The following TRPM2 variants were observed in gnomAD, a reference collection of about 807,000 sequenced individuals.
TRPM2 encodes the protein transient receptor potential cation channel subfamily M member 2, also known as estrogen-responsive element-associated gene 1 protein.
In TRPM2, 161 loss-of-function variants were observed where a neutral mutation model predicts 174.0. The observed-to-expected ratio is 0.93, with a 90% CI of 0.81 to 1.05. The LOEUF is 1.05. Among genes scored for constraint, TRPM2 ranks in the 50% least tolerant of loss-of-function variants. The pLI, the probability that TRPM2 is intolerant of heterozygous loss-of-function variation, is 0.00. For missense variants in TRPM2, 2,057 were observed against 2,038.0 expected (o/e 1.01, Z -0.18); for synonymous variants, 954 against 861.3 (o/e 1.11, Z -1.88).
rs759143585 is a variant in TRPM2, at chr21:44,440,840, G to A, written c.4321G>A (p.Glu1441Lys). Residue 1441 changes from glutamate to lysine, a missense_variant, in exon 31 of 32, where the codon GAG (glutamate) becomes AAG (lysine). Coordinates refer to ENST00000397928, the MANE Select transcript of TRPM2 (RefSeq NM_003307.4). ...GAGGAACACGGACAATGCCTGGATC[G>A]AGACGGTGGCCGTCAGCGTCCACTT... ...DPRNTDNAWI[E>K]TVAVSVHFQD... is the part of the protein sequence containing the mutation. 48 of 1,613,864 alleles carry A rather than the reference G, an allele frequency of 3.0e-5. No individual in the cohort carries two copies. Among genetic ancestry groups the A allele is most frequent in the Admixed American group, 6.7e-5 (4 of 60,016 alleles).
Position 44,381,907 on chromosome 21 carries a change from C to CAA in TRPM2, c.1216-796_1216-795dup, listed in dbSNP as rs751389057. Reference sequence around the variant, plus strand: ...GGGTGGCAGAGCAAAAAGTCTGTCTCAAAAAAAAAAAAAAAAGATGAATGA... The same window carrying CAA: ...GGGTGGCAGAGCAAAAAGTCTGTCTCAAAAAAAAAAAAAAAAAAGATGAATGA... On this transcript the variant is annotated intron_variant, in intron 8 of 31. Transcript: ENST00000397928. Among the ~76,000 whole-genome samples the CAA allele has an allele frequency of 4.4e-3, 291 of 66,870 alleles. 3 individuals carry two copies. The highest frequency in any genetic ancestry group is 0.011 in the African/African-American group (279 of 25,400). The allele number at this position is 66,870 out of a possible 152,430, so 43.9% of individuals were successfully genotyped here. A position where few individuals can be genotyped will look rare whatever the true frequency, so the allele number is the denominator to read the frequency against.
rs1466898263 is a variant in TRPM2 at position 44,432,887 on chromosome 21, A to G, written c.3975-2244A>G. Among the ~76,000 whole-genome samples, 2 of 152,114 alleles carry G rather than the reference A, an allele frequency of 1.3e-5. No individual in the cohort carries two copies. Among genetic ancestry groups the G allele is most frequent in the South Asian group, 4.1e-4 (2 of 4,826 alleles). On this transcript the variant is annotated intron_variant, in intron 27 of 31. Coordinates refer to ENST00000397928, the MANE Select transcript of TRPM2 (RefSeq NM_003307.4). The surrounding 1 kb of genome is among the most constrained non-coding windows in gnomAD (Gnocchi z 4.9). ...TTTTGCGCTTTGGGGTTGTGTGCGTAGGTTTATGGACGGGCCTATGCCTTG... is the reference window on the plus strand; with the variant it reads ...TTTTGCGCTTTGGGGTTGTGTGCGTGGGTTTATGGACGGGCCTATGCCTTG...
chr21:44,364,193 C>G lies in TRPM2; in HGVS notation c.334C>G (p.Gln112Glu). ...ATKPHTFQGT[Q>E]WDPKKHVQEM... ...CAAGCCCCACACCTTCCAGGGCACA[C>G]AGTGGGACCCAAAGAAACATGTCCA... The change falls in exon 3 of 32, where the codon CAG becomes GAG. Residue 112 changes from glutamine (Q) to glutamate (E), a missense_variant. By Grantham distance (29) the Gln-to-Glu change is conservative. Coordinates refer to ENST00000397928, the MANE Select transcript of TRPM2 (RefSeq NM_003307.4). The G allele has an allele frequency of 6.2e-7, 1 of 1,614,244 alleles. No individual in the cohort carries two copies. Among genetic ancestry groups the G allele is most frequent in the South Asian group, 1.1e-5 (1 of 91,088 alleles).
At chr21:44,400,864 C>A (rs1489097844) in intron 15 of TRPM2, among the ~76,000 whole-genome samples, 2 of 152,222 alleles carry the variant, frequency 1.3e-5, no homozygotes, top group Admixed American at 1.3e-4. Context: ...TCCCCACCTG[C>A]ACCTCCTCAG....
intron 24 of TRPM2, 37 bp downstream of exon 24, chr21:44,424,976 C>T (rs1433020517): frequency 1.0e-5 from 16 of 1,549,074 alleles, no homozygotes; most frequent in East Asian, 7.0e-5. Context: ...GGTCTCCAGC[C>T]GCCTGTTTCT....
At chr21:44,405,325 G>C (rs2049831083) in intron 17 of TRPM2, 65 bp downstream of exon 17, 48 of 1,596,212 alleles carry the variant, frequency 3.0e-5, no homozygotes, top group Non-Finnish European at 3.8e-5. Flanking sequence ...GATGAGCACA[G>C]GCCGGGCCCA....
At chr21:44,411,578 C>T (rs2050109185) in intron 19 of TRPM2, among the ~76,000 whole-genome samples, 1 of 152,142 alleles carries the variant, frequency 6.6e-6, no homozygotes, top group African/African-American at 2.4e-5. Context: ...TTTATTTCTT[C>T]TTCTTGCCTA....
In TRPM2 at chr21:44,404,144, CACAT is replaced by C. The variant is rs199668277; in HGVS notation, c.2539-994_2539-991del. 8.2e-4 allele frequency among the ~76,000 whole-genome samples: 123 copies of C among 150,722 alleles called. 2 individuals carry two copies. In the East Asian group the frequency reaches 0.02, roughly 25 times the overall value. On this transcript the variant is annotated intron_variant, in intron 16 of 31. Transcript: ENST00000397928. Reference sequence around the variant, plus strand: ...GAATGAACATACACATATGAACACACACATACAGACACATACACATATATACACA... The same window carrying C: ...GAATGAACATACACATATGAACACACACAGACACATACACATATATACACA...
chr21:44,437,571 G>A (rs778064020), intron 29 of TRPM2, among the ~76,000 whole-genome samples: 11 of 152,108 alleles, frequency 7.2e-5, no homozygotes, highest in East Asian at 1.9e-4. Flanking sequence ...AATATAGGAC[G>A]GTGTCATCCA....
At chr21:44,424,477 C>T (rs1365192815) in intron 23 of TRPM2, among the ~76,000 whole-genome samples, 1 of 152,230 alleles carries the variant, frequency 6.6e-6, no homozygotes, top group African/African-American at 2.4e-5. Flanking sequence ...GTGCAGGAAC[C>T]CTGGAAGCCT....
At chr21:44,431,892 G>T (rs140033183) in intron 27 of TRPM2, among the ~76,000 whole-genome samples, 6 of 152,242 alleles carry the variant, frequency 3.9e-5, no homozygotes, top group African/African-American at 1.4e-4. Flanking sequence ...TCCGTGGCCC[G>T]TCTCTACCCT....
chr21:44,394,058 A>T (rs2146251261), intron 11 of TRPM2, among the ~76,000 whole-genome samples: 1 of 151,898 alleles, frequency 6.6e-6, no homozygotes, highest in Admixed American at 6.6e-5. Flanking sequence ...ATTAGTAGAG[A>T]TGGAGTTTCA....
intron 2 of TRPM2, 152 bp from the exon 3 acceptor site, chr21:44,363,962 C>T: frequency 2.6e-6 from 2 of 765,826 alleles, no homozygotes; most frequent in East Asian, 2.7e-5. Context: ...ACCATTAGGC[C>T]TTTGCTGCCT....
In TRPM2 at chr21:44,437,143, CT is replaced by C. The variant is rs780290810; in HGVS notation, c.4144del (p.Ser1382ProfsTer21). 20 of 1,551,368 alleles carry C rather than the reference CT, an allele frequency of 1.3e-5. No individual in the cohort carries two copies. In the South Asian group the frequency reaches 2.4e-4, roughly 18 times the overall value. On this transcript the variant is annotated frameshift_variant, in exon 29 of 32. Coordinates refer to ENST00000397928, the MANE Select transcript of TRPM2 (RefSeq NM_003307.4). LOFTEE classifies it high-confidence loss of function. Reference sequence around the variant, plus strand: ...AAGTGCTGGTGGTGAAGCTCCCTCTCTCCGAGCACTGGGCCCTGCCTGGGGT... The same window carrying C: ...AAGTGCTGGTGGTGAAGCTCCCTCTCCCGAGCACTGGGCCCTGCCTGGGGT... ...LEVLVVKLPLSEHWALPGGSR... is the reference protein window; with the variant it reads ...LEVLVVKLPLXEHWALPGGSR...
intron 2 of TRPM2, among the ~76,000 whole-genome samples, chr21:44,358,839 C>T (rs963699669): frequency 2.6e-5 from 4 of 152,106 alleles, no homozygotes; most frequent in South Asian, 2.1e-4. Context: ...AGAGTGAAGC[C>T]GGGGACCTTC....
chr21:44,440,867 C>A lies in TRPM2; in HGVS notation c.4348C>A (p.Gln1450Lys). ...IETVAVSVHF[Q>K]DQNDVELNRL... Reference sequence around the variant, plus strand: ...GACGGTGGCCGTCAGCGTCCACTTCCAGGACCAGAATGACGTGGAGCTGAA... The same window carrying A: ...GACGGTGGCCGTCAGCGTCCACTTCAAGGACCAGAATGACGTGGAGCTGAA... The change falls in exon 31 of 32, where the codon CAG becomes AAG. Residue 1450 changes from glutamine (Q) to lysine (K), a missense_variant. Coordinates refer to ENST00000397928, the MANE Select transcript of TRPM2 (RefSeq NM_003307.4). 6.2e-7 allele frequency: 1 copy of A among 1,613,974 alleles called. No individual in the cohort carries two copies. The highest frequency in any genetic ancestry group is 8.5e-7 in the Non-Finnish European group (1 of 1,179,976).
upstream of TRPM2, chr21:44,353,534 T>G: frequency 1.2e-6 from 1 of 839,808 alleles, no homozygotes; most frequent in Non-Finnish European, 1.7e-6. Context: ...GGGCTTCACA[T>G]GAGGAAGCAT....
intron 9 of TRPM2, among the ~76,000 whole-genome samples, chr21:44,384,410 A>G (rs529940689): frequency 6.6e-6 from 1 of 152,352 alleles, no homozygotes; most frequent in African/African-American, 2.4e-5. Flanking sequence ...GCCTCATGTC[A>G]TTCCAGAATG....
At chr21:44,353,343 C>T (rs1039608468), upstream of TRPM2, 13 of 186,884 alleles carry the variant, frequency 7.0e-5, no homozygotes, top group Non-Finnish European at 1.3e-4. Flanking sequence ...AGTGCAGCTG[C>T]ACCCGTGGGG....
Sources: allele counts gnomAD v4.1 joint callset (sites outside exome capture counted in the v4.1 genomes callset), GRCh38; gene constraint gnomAD v4.1.1; non-coding constraint Gnocchi (gnomAD v3.1); transcripts MANE v1.5; gene names NCBI Gene and HGNC (gene_info 2026-07-23, HGNC 2026-07-21).